The following C8orf34 variants were observed in gnomAD, a reference collection of about 807,000 sequenced individuals.
C8orf34 encodes the protein chromosome 8 open reading frame 34.
A neutral mutation model predicts 68.3 loss-of-function variants in C8orf34; 65 were observed. The ratio of observed to expected loss-of-function variants is 0.95; its 90% confidence interval spans 0.78 to 1.17. The LOEUF (loss-of-function observed/expected upper bound fraction) is 1.17. Among genes scored for constraint, C8orf34 ranks in the 50% most tolerant of loss-of-function variants. The pLI, the probability that C8orf34 is intolerant of heterozygous loss-of-function variation, is 0.00. For synonymous variants in C8orf34, 244 were observed against 241.2 expected, an observed-to-expected ratio of 1.01 and a Z score of -0.11; for missense variants, 664 against 655.4, an observed-to-expected ratio of 1.01 and a Z score of -0.14.
chr8:68,548,554 A>G (rs1037391903), intron 7 of C8orf34, among the ~76,000 whole-genome samples: 4 of 151,804 alleles, frequency 2.6e-5, no homozygotes, highest in African/African-American at 7.2e-5. Flanking sequence ...TACGTGGAGC[A>G]GCTGGAATTC....
At chr8:68,475,327 A>T (rs1812561975) in intron 4 of C8orf34, among the ~76,000 whole-genome samples, 1 of 152,046 alleles carries the variant, frequency 6.6e-6, no homozygotes, top group Non-Finnish European at 1.5e-5. Context: ...ATATGCTATG[A>T]TCTGTTTTTA....
At chr8:68,472,431 G>C (rs1812420754) in intron 4 of C8orf34, among the ~76,000 whole-genome samples, 1 of 152,056 alleles carries the variant, frequency 6.6e-6, no homozygotes, top group African/African-American at 2.4e-5. Flanking sequence ...GAGCCATATA[G>C]AGTAATCCCC....
chr8:68,632,792 C>A (rs1041905289), intron 7 of C8orf34, among the ~76,000 whole-genome samples: 2 of 152,140 alleles, frequency 1.3e-5, no homozygotes, highest in Non-Finnish European at 2.9e-5. Flanking sequence ...AGGATGCAAT[C>A]CCCAAGTCTT....
At chr8:68,616,813 G>A (rs1818232534) in intron 7 of C8orf34, among the ~76,000 whole-genome samples, 1 of 152,090 alleles carries the variant, frequency 6.6e-6, no homozygotes, top group Admixed American at 6.6e-5. Context: ...GGTCCGCTTG[G>A]TGCAGAGCTG....
intron 3 of C8orf34, among the ~76,000 whole-genome samples, chr8:68,459,649 C>T (rs147669812): frequency 6.6e-6 from 1 of 152,194 alleles, no homozygotes. Context: ...CCAGCAATCC[C>T]ACTACTGGGT....
intron 7 of C8orf34, among the ~76,000 whole-genome samples, chr8:68,557,534 T>C (rs1255147008): frequency 6.6e-6 from 1 of 152,216 alleles, no homozygotes; most frequent in Admixed American, 6.5e-5. Context: ...CATTGCTATT[T>C]CTTTGCTGTC....
chr8:68,597,497 A>G (rs1001117230), intron 7 of C8orf34, among the ~76,000 whole-genome samples: 11 of 152,112 alleles, frequency 7.2e-5, no homozygotes, highest in Non-Finnish European at 1.3e-4. Flanking sequence ...TATTTTTCTA[A>G]AAACAAATCC....
At chr8:68,523,389 G>A (rs969772222) in intron 6 of C8orf34, among the ~76,000 whole-genome samples, 2 of 152,058 alleles carry the variant, frequency 1.3e-5, no homozygotes, top group Non-Finnish European at 2.9e-5. Context: ...GCTTCAGTGA[G>A]CTCTTATTCC....
At chr8:68,616,987 A>G (rs1239670755) in intron 7 of C8orf34, among the ~76,000 whole-genome samples, 5 of 152,164 alleles carry the variant, frequency 3.3e-5, no homozygotes, top group Admixed American at 3.3e-4. Context: ...TTGGGTGCAT[A>G]TATATTTAGG....
rs140540849 is a variant in C8orf34, at chr8:68,596,558, A to G, written c.1106-43818A>G. ...CAAAGGCCAATTCTTTACTCACAGC[A>G]ACAGCCATAGCCAGAGTATCAGCTT... is the stretch of plus-strand genomic sequence containing the variant. On this transcript the variant is annotated intron_variant, in intron 7 of 13. Coordinates refer to ENST00000518698, the MANE Select transcript of C8orf34 (RefSeq NM_052958.4). 4.8e-3 allele frequency among the ~76,000 whole-genome samples: 726 copies of G among 152,274 alleles called. 9 individuals carry two copies. The highest frequency in any genetic ancestry group is 0.016 in the African/African-American group (681 of 41,560).
chr8:68,515,029 A>G (rs1586297138), intron 5 of C8orf34, among the ~76,000 whole-genome samples: 1 of 152,186 alleles, frequency 6.6e-6, no homozygotes, highest in African/African-American at 2.4e-5. Context: ...TGAATAGTGT[A>G]TACGTGTTCA....
At chr8:68,775,707 A>G (rs1823496338) in intron 10 of C8orf34, among the ~76,000 whole-genome samples, 1 of 152,210 alleles carries the variant, frequency 6.6e-6, no homozygotes, top group Non-Finnish European at 1.5e-5. Context: ...TTCTTTCCTT[A>G]GCCTAATTAT....
chr8:68,347,009 T>C (rs752959031), intron 1 of C8orf34, among the ~76,000 whole-genome samples: 6 of 152,012 alleles, frequency 3.9e-5, no homozygotes, highest in Admixed American at 6.6e-5. Flanking sequence ...AGGATTATTA[T>C]ATAGGTAAAC....
Position 68,343,087 on chromosome 8 carries a change from C to T in C8orf34, c.327+11748C>T, listed in dbSNP as rs184889329. Among the ~76,000 whole-genome samples, 57 of 151,982 alleles carry T rather than the reference C, an allele frequency of 3.8e-4. No individual in the cohort carries two copies. In the East Asian group the frequency reaches 9.5e-3, roughly 25 times the overall value. On this transcript the variant is annotated intron_variant, in intron 1 of 13. Coordinates refer to ENST00000518698, the MANE Select transcript of C8orf34 (RefSeq NM_052958.4). ...GATAAGGGGAGACTACTTGTATAAA[C>T]AAAACAAAACAAATTAACCAACACT... is the stretch of plus-strand genomic sequence containing the variant.
chr8:68,539,156 A>G (rs1423197917), intron 7 of C8orf34, among the ~76,000 whole-genome samples: 2 of 152,200 alleles, frequency 1.3e-5, no homozygotes, highest in Non-Finnish European at 1.5e-5. Context: ...GCAGTGTTAC[A>G]TATTATTAAG....
intron 1 of C8orf34, among the ~76,000 whole-genome samples, chr8:68,340,403 T>C (rs191728148): frequency 1.3e-5 from 2 of 152,216 alleles, no homozygotes; most frequent in East Asian, 3.9e-4. Context: ...TAAGCAGAAA[T>C]TTATTTTCTG....
At chr8:68,439,374 T>C (rs1810799950) in intron 1 of C8orf34, 125 bp from the exon 2 acceptor site, 1 of 729,804 alleles carries the variant, frequency 1.4e-6, no homozygotes, top group East Asian at 2.9e-5. Context: ...GTTATAAGCA[T>C]GGAGTTAGTT....
chr8:68,643,747 T>C (rs1321615437), intron 8 of C8orf34, among the ~76,000 whole-genome samples: 1 of 152,156 alleles, frequency 6.6e-6, no homozygotes, highest in Non-Finnish European at 1.5e-5. Context: ...ACACAGGGGG[T>C]TATGTTTCAA....
At chr8:68,472,389 C>T (rs986944801) in intron 4 of C8orf34, among the ~76,000 whole-genome samples, 8 of 152,136 alleles carry the variant, frequency 5.3e-5, no homozygotes, top group African/African-American at 1.9e-4. Context: ...TGATTCTTTA[C>T]CTTCCTTTAA....
Sources: gnomAD v4.1 joint callset for allele counts (sites outside exome capture counted in the v4.1 genomes callset) on GRCh38, gnomAD v4.1.1 for gene constraint, MANE v1.5 for transcripts, NCBI Gene and HGNC (gene_info 2026-07-23, HGNC 2026-07-21) for gene names.